Variants in NUCB2 observed in about 807,000 individuals in gnomAD.
The protein encoded by NUCB2 is nucleobindin-2.
Under a neutral mutation model 57.9 loss-of-function variants are expected in NUCB2, and 48 were observed. That is an observed-to-expected ratio of 0.83 (90% CI 0.66 to 1.05). The LOEUF (loss-of-function observed/expected upper bound fraction) is 1.05, where lower values mean the gene tolerates loss of function less well. Ranked by LOEUF, NUCB2 falls within the 50% of genes least tolerant of loss-of-function variation. The pLI is 0.00. For synonymous variants in NUCB2, 139 were observed against 152.1 expected (o/e 0.91, Z 0.64); for missense variants, 442 against 476.2 (o/e 0.93, Z 0.67).
chr11:17,306,026 G>A (rs760665127), intron 5 of NUCB2, among the ~76,000 whole-genome samples: 1 of 152,176 alleles, frequency 6.6e-6, no homozygotes, highest in Non-Finnish European at 1.5e-5. Context: ...AATTGTAAAT[G>A]AATTAAAGAT....
chr11:17,330,951 C>T lies in NUCB2; in HGVS notation c.1223C>T (p.Ser408Leu). ...QKKLQQGIPP[S>L]GPAGELKFEP... ...AAATTACAACAAGGAATTCCTCCATCAGGGCCAGCTGGAGAATTGAAGTTT... is the reference window on the plus strand; with the variant it reads ...AAATTACAACAAGGAATTCCTCCATTAGGGCCAGCTGGAGAATTGAAGTTT... The change falls in exon 13 of 14, where the codon TCA becomes TTA. Residue 408 changes from serine (S) to leucine (L), a missense_variant. By Grantham distance (145) the Ser-to-Leu change is moderately radical. Coordinates refer to ENST00000529010, the MANE Select transcript of NUCB2 (RefSeq NM_005013.4). This position sits in a 1 kb window ranked among gnomAD's most constrained non-coding sequence, Gnocchi z 4.3. 1 of 1,610,820 alleles carries T rather than the reference C, an allele frequency of 6.2e-7. No individual in the cohort carries two copies. Among genetic ancestry groups the T allele is most frequent in the Non-Finnish European group, 8.5e-7 (1 of 1,177,836 alleles).
rs370386658 is a variant in NUCB2, at chr11:17,325,856, T to A, written c.1003-4271T>A. 2.6e-5 allele frequency among the ~76,000 whole-genome samples: 4 copies of A among 152,326 alleles called. No homozygotes were observed. The East Asian group carries it at 7.7e-4, about 29-fold the overall frequency. ...AATTGTATGTTTTTAGATTTGAGGT[T>A]ACCATGAGGCCTGCAAATAATATTT... On this transcript the variant is annotated intron_variant, in intron 11 of 13. Transcript: ENST00000529010.
intron 4 of NUCB2, among the ~76,000 whole-genome samples, chr11:17,300,692 T>A (rs1308343767): frequency 6.6e-6 from 1 of 152,238 alleles, no homozygotes; most frequent in Non-Finnish European, 1.5e-5. Context: ...CGTTTAGGTT[T>A]CTGGTTTTTT....
chr11:17,302,144 A>G (rs1473166057), intron 5 of NUCB2, among the ~76,000 whole-genome samples: 3 of 151,784 alleles, frequency 2.0e-5, no homozygotes, highest in Non-Finnish European at 4.4e-5. Context: ...CAATCTTCCT[A>G]TCTTGACCAA....
chr11:17,293,746 T>C (rs529102858), intron 2 of NUCB2, among the ~76,000 whole-genome samples: 1 of 152,158 alleles, frequency 6.6e-6, no homozygotes, highest in African/African-American at 2.4e-5. Context: ...TGTTACAATG[T>C]TGTTGGACCT....
In NUCB2 at chr11:17,331,755, T is replaced by G; in HGVS notation, c.*336T>G. On this transcript the variant is annotated 3_prime_UTR_variant, in exon 14 of 14. Transcript: ENST00000529010. ...TTAGGAACTATTTAAGTGAGAAAAC[T>G]CTGCCTCTTGCTTTTAAATTAGATT... 4.5e-6 allele frequency: 1 copy of G among 220,858 alleles called. No individual in the cohort carries two copies. The highest frequency in any genetic ancestry group is 8.8e-6 in the Non-Finnish European group (1 of 114,028). The allele number at this position is 220,858 out of a possible 1,614,324, so 13.7% of individuals were successfully genotyped here.
intron 4 of NUCB2, among the ~76,000 whole-genome samples, chr11:17,300,549 C>T (rs1946534505): frequency 6.6e-6 from 1 of 152,168 alleles, no homozygotes; most frequent in South Asian, 2.1e-4. Flanking sequence ...TCTGGTTTCT[C>T]TCATTTAGCA....
chr11:17,342,912 G>GCTAA (rs1952400885), intron 2 of NUCB2, among the ~76,000 whole-genome samples: 1 of 152,172 alleles, frequency 6.6e-6, no homozygotes, highest in Non-Finnish European at 1.5e-5. Context: ...TGACAGTGGG[G>GCTAA]TGTTAAATTC....
intron 2 of NUCB2, among the ~76,000 whole-genome samples, chr11:17,289,722 A>G (rs1464860644): frequency 1.3e-5 from 2 of 152,206 alleles, no homozygotes; most frequent in Non-Finnish European, 2.9e-5. Flanking sequence ...ATTTACAGCA[A>G]TGTTACAGTG....
At chr11:17,303,457 G>A (rs1947098407) in intron 5 of NUCB2, among the ~76,000 whole-genome samples, 1 of 151,954 alleles carries the variant, frequency 6.6e-6, no homozygotes, top group Non-Finnish European at 1.5e-5. Flanking sequence ...AAATTTTGAT[G>A]TATCAAAAAA....
chr11:17,288,878 TATATACACACACAC>T (rs1299399193), intron 2 of NUCB2, among the ~76,000 whole-genome samples: 7 of 50,926 alleles, frequency 1.4e-4, no homozygotes, highest in East Asian at 6.4e-4. Flanking sequence ...TAATAACATG[TATATACACACACAC>T]ACACACACAC....
intron 2 of NUCB2, among the ~76,000 whole-genome samples, chr11:17,288,552 CTTTT>C (rs1362783048): frequency 9.9e-6 from 1 of 101,180 alleles, no homozygotes; most frequent in Non-Finnish European, 1.8e-5. Flanking sequence ...TCTTCTTCTT[CTTTT>C]TTTTTTTTTT....
At chr11:17,333,054 T>C (rs535625238), downstream of NUCB2, 1 of 152,238 alleles carries the variant, frequency 6.6e-6, no homozygotes, top group African/African-American at 2.4e-5. Flanking sequence ...AATAGAAATA[T>C]AGTGGCCACT....
At chr11:17,278,891 G>A (rs553224724) in intron 1 of NUCB2, among the ~76,000 whole-genome samples, 14 of 152,254 alleles carry the variant, frequency 9.2e-5, no homozygotes, top group Admixed American at 2.6e-4. Context: ...ATTTAAAAAT[G>A]TATTGAAAAT....
intron 10 of NUCB2, among the ~76,000 whole-genome samples, chr11:17,314,864 C>T (rs11024251): frequency 0.22 from 33,154 of 152,140 alleles, 4,700 homozygotes; most frequent in East Asian, 0.51. Context: ...ACGAAATTTG[C>T]CACAGCCTGT....
At chr11:17,326,912 C>T (rs1382581554) in intron 11 of NUCB2, among the ~76,000 whole-genome samples, 1 of 152,156 alleles carries the variant, frequency 6.6e-6, no homozygotes, top group Non-Finnish European at 1.5e-5. Flanking sequence ...TGCAATCCCT[C>T]AGTTTTTGTT....
At position 17,330,875 on chromosome 11, in the gene NUCB2, T is replaced by C; in HGVS notation, c.1174-27T>C. The stretch of plus-strand genomic sequence containing the variant: ...CATATGATAGAAAATCAAGTTATAC[T>C]TTTAACTTTCATTTTCCATTCACCA... On this transcript the variant is annotated intron_variant, in intron 12 of 13. Transcript: ENST00000529010. This position sits in a 1 kb window ranked among gnomAD's most constrained non-coding sequence, Gnocchi z 4.3. The C allele has an allele frequency of 7.4e-7, 1 of 1,354,882 alleles. No homozygotes were observed. Among genetic ancestry groups the C allele is most frequent in the Non-Finnish European group, 1.1e-6 (1 of 943,548 alleles). The allele number at this position is 1,354,882 out of a possible 1,614,324, so 83.9% of individuals were successfully genotyped here.
At chr11:17,286,969 TAG>T (rs962920004) in intron 2 of NUCB2, among the ~76,000 whole-genome samples, 1 of 152,130 alleles carries the variant, frequency 6.6e-6, no homozygotes, top group Admixed American at 6.6e-5. Context: ...TATTAAGAAT[TAG>T]AGTCAGTGTT....
chr11:17,312,232 T>C, intron 10 of NUCB2, 112 bp downstream of exon 10: 2 of 662,386 alleles, frequency 3.0e-6, no homozygotes, highest in Non-Finnish European at 5.0e-6. Context: ...GAGTTTGCGT[T>C]TTTGTTTTTG....
Sources: allele counts gnomAD v4.1 joint callset (sites outside exome capture counted in the v4.1 genomes callset), GRCh38; gene constraint gnomAD v4.1.1; non-coding constraint Gnocchi (gnomAD v3.1); transcripts MANE v1.5; gene names NCBI Gene and HGNC (gene_info 2026-07-23, HGNC 2026-07-21).